The following HNRNPR variants were observed in gnomAD, a reference collection of about 807,000 sequenced individuals.
HNRNPR encodes heterogeneous nuclear ribonucleoprotein R.
Under a neutral mutation model 70.3 loss-of-function variants are expected in HNRNPR, and 4 were observed. The observed-to-expected ratio is 0.06, with a 90% CI of 0.03 to 0.13. The LOEUF (loss-of-function observed/expected upper bound fraction) is 0.13, where lower values mean the gene tolerates loss of function less well. Among genes scored for constraint, HNRNPR ranks in the 10% least tolerant of loss-of-function variants. HNRNPR has a pLI of 1.00. For synonymous variants in HNRNPR, 241 were observed against 267.6 expected (o/e 0.90, Z 0.97); for missense variants, 423 against 788.5 (o/e 0.54, Z 5.55).
chr1:23,342,325 G>A (rs1398636364), intron 1 of HNRNPR, among the ~76,000 whole-genome samples: 1 of 152,184 alleles, frequency 6.6e-6, no homozygotes, highest in Non-Finnish European at 1.5e-5. Flanking sequence ...ACCAAGAGGG[G>A]AAGGAGGTAA....
Position 23,308,514 on chromosome 1 carries a change from T to G in HNRNPR, c.*1940A>C, listed in dbSNP as rs924015475. ...TTTAAAAGCAGCATTTAAAGAATGTTTGGTGTCTTTACTTGCATACATGGG... is the reference window on the plus strand; with the variant it reads ...TTTAAAAGCAGCATTTAAAGAATGTGTGGTGTCTTTACTTGCATACATGGG... On this transcript the variant is annotated 3_prime_UTR_variant, in exon 11 of 11. Transcript: ENST00000302271. The G allele has an allele frequency of 2.6e-5, 4 of 152,068 alleles. 1 individual carries two copies. The South Asian group carries it at 8.3e-4, about 31-fold the overall frequency. The allele number at this position is 152,068 out of a possible 1,614,324, so 9.4% of individuals were successfully genotyped here.
chr1:23,339,639 T>C (rs1646637163), intron 2 of HNRNPR, among the ~76,000 whole-genome samples: 1 of 152,164 alleles, frequency 6.6e-6, no homozygotes, highest in Non-Finnish European at 1.5e-5. Context: ...TTATTCCATA[T>C]AGTAAATTTT....
At chr1:23,335,346 G>C (rs1646426831) in intron 4 of HNRNPR, among the ~76,000 whole-genome samples, 2 of 152,218 alleles carry the variant, frequency 1.3e-5, no homozygotes, top group Non-Finnish European at 2.9e-5. Context: ...CTGAAACAGA[G>C]CCATAAATGT....
At position 23,308,750 on chromosome 1, in the gene HNRNPR, TGAAAA is replaced by T. The variant is rs1645243722; in HGVS notation, c.*1699_*1703del. The T allele has an allele frequency of 6.6e-6, 1 of 151,932 alleles. No homozygotes were observed. Among genetic ancestry groups the T allele is most frequent in the East Asian group, 1.9e-4 (1 of 5,198 alleles). 9.4% of individuals were successfully genotyped at this position (151,932 alleles called of 1,614,324 possible). ...AGTAAATAGTAATCTTAAATTGAAA[TGAAAA>T]GAAGCCATGAAACCCAATATGATCT... is the stretch of plus-strand genomic sequence containing the variant. On this transcript the variant is annotated 3_prime_UTR_variant, in exon 11 of 11. Coordinates refer to ENST00000302271, the MANE Select transcript of HNRNPR (RefSeq NM_005826.5).
chr1:23,336,718 C>T (rs904142802), intron 4 of HNRNPR, among the ~76,000 whole-genome samples: 1 of 142,552 alleles, frequency 7.0e-6, no homozygotes, highest in Non-Finnish European at 1.5e-5. Context: ...TGAGATGGCG[C>T]TACTGCACTC....
At chr1:23,315,870 C>A (rs571801196) in intron 8 of HNRNPR, among the ~76,000 whole-genome samples, 9 of 152,206 alleles carry the variant, frequency 5.9e-5, no homozygotes, top group South Asian at 4.2e-4. Flanking sequence ...TAAGGTCCAG[C>A]CTCTATGTTA....
At chr1:23,324,290 C>T (rs1310413424) in intron 5 of HNRNPR, among the ~76,000 whole-genome samples, 2 of 150,928 alleles carry the variant, frequency 1.3e-5, no homozygotes, top group Non-Finnish European at 3.0e-5. Flanking sequence ...CAACCTCGGC[C>T]GGGCGCGGCA....
At chr1:23,326,717 G>A (rs983393759) in intron 5 of HNRNPR, among the ~76,000 whole-genome samples, 3 of 152,148 alleles carry the variant, frequency 2.0e-5, no homozygotes, top group African/African-American at 7.2e-5. Context: ...CCTGAGAGGC[G>A]GAGGTTGCAG....
In HNRNPR at chr1:23,310,427, C is replaced by A; in HGVS notation, c.*27G>T. ...AGATCTAGAGCCAATCGTATCTTGC[C>A]AGTATCATTTTCAAGCCCTTACTTG... is the stretch of plus-strand genomic sequence containing the variant. On this transcript the variant is annotated 3_prime_UTR_variant, in exon 11 of 11. Coordinates refer to ENST00000302271, the MANE Select transcript of HNRNPR (RefSeq NM_005826.5). This position sits in a 1 kb window ranked among gnomAD's most constrained non-coding sequence, Gnocchi z 6.0. 1 of 1,539,578 alleles carries A rather than the reference C, an allele frequency of 6.5e-7. No individual in the cohort carries two copies. The highest frequency in any genetic ancestry group is 1.3e-5 in the South Asian group (1 of 78,356).
chr1:23,338,701 T>A, intron 2 of HNRNPR, 93 bp from the exon 3 acceptor site: 1 of 589,462 alleles, frequency 1.7e-6, no homozygotes, highest in Non-Finnish European at 3.0e-6. Context: ...ACATTCAATA[T>A]GATCACTAAC....
intron 5 of HNRNPR, among the ~76,000 whole-genome samples, chr1:23,332,896 A>T (rs1175948751): frequency 2.6e-5 from 4 of 151,840 alleles, no homozygotes; most frequent in African/African-American, 9.7e-5. Context: ...AAAAACCAAA[A>T]AAAGCAGCCG....
intron 6 of HNRNPR, among the ~76,000 whole-genome samples, chr1:23,321,880 AT>A (rs1418854340): frequency 6.6e-6 from 1 of 152,178 alleles, no homozygotes; most frequent in Admixed American, 6.5e-5. Context: ...ACTCTTCCAT[AT>A]AAAAAGGACT....
chr1:23,315,306 C>A (rs9725739), intron 8 of HNRNPR, among the ~76,000 whole-genome samples: 5,332 of 121,652 alleles, frequency 0.044, 454 homozygotes, highest in African/African-American at 0.18. Context: ...AAAAAAAAAA[C>A]AAAAACCCAA....
At position 23,309,739 on chromosome 1, in the gene HNRNPR, A is replaced by G. The variant is rs1373487444; in HGVS notation, c.*715T>C. ...GAAAACAATATTCCTTGCAAGGATT[A>G]CGAATAAAATAATGTTTTAGGACAC... On this transcript the variant is annotated 3_prime_UTR_variant, in exon 11 of 11. Coordinates refer to ENST00000302271, the MANE Select transcript of HNRNPR (RefSeq NM_005826.5). The G allele has an allele frequency of 6.6e-6, 1 of 152,642 alleles. No individual in the cohort carries two copies. Among genetic ancestry groups the G allele is most frequent in the Non-Finnish European group, 1.5e-5 (1 of 68,016 alleles). The allele number at this position is 152,642 out of a possible 1,614,324, so 9.5% of individuals were successfully genotyped here.
Position 23,310,403 on chromosome 1 carries a change from G to T in HNRNPR, c.*51C>A, listed in dbSNP as rs773143424. On this transcript the variant is annotated 3_prime_UTR_variant, in exon 11 of 11. Coordinates refer to ENST00000302271, the MANE Select transcript of HNRNPR (RefSeq NM_005826.5). This position sits in a 1 kb window ranked among gnomAD's most constrained non-coding sequence, Gnocchi z 6.0. ...CCAATTTTTTTTTTTGAAGAATGTA[G>T]ATCTAGAGCCAATCGTATCTTGCCA... 12 of 1,499,276 alleles carry T rather than the reference G, an allele frequency of 8.0e-6. No individual in the cohort carries two copies. The highest frequency in any genetic ancestry group is 1.4e-5 in the South Asian group (1 of 72,878). The allele number at this position is 1,499,276 out of a possible 1,614,324, so 92.9% of individuals were successfully genotyped here.
At position 23,318,375 on chromosome 1, in the gene HNRNPR, T is replaced by G. The variant is rs1239261103; in HGVS notation, c.1017+108A>C. On this transcript the variant is annotated intron_variant, in intron 8 of 10. Transcript: ENST00000302271. This position sits in a 1 kb window ranked among gnomAD's most constrained non-coding sequence, Gnocchi z 4.2. ...GCCGCTCCTTGCCAAACAGTTGAAG[T>G]CTAAAGCTACAATTTCTATTTATCA... 3 of 935,242 alleles carry G rather than the reference T, an allele frequency of 3.2e-6. No individual in the cohort carries two copies. Among genetic ancestry groups the G allele is most frequent in the Non-Finnish European group, 4.9e-6 (3 of 611,412 alleles). 57.9% of individuals were successfully genotyped at this position (935,242 alleles called of 1,614,324 possible). A position where few individuals can be genotyped will look rare whatever the true frequency, so the allele number is the denominator to read the frequency against.
At chr1:23,321,495 CA>C (rs1426775609) in intron 7 of HNRNPR, 32 bp downstream of exon 7, 1 of 1,597,628 alleles carries the variant, frequency 6.3e-7, no homozygotes, top group Non-Finnish European at 8.6e-7. Context: ...ACATATTTCG[CA>C]AAAGTAATTT....
chr1:23,335,623 C>G (rs1172924055), intron 4 of HNRNPR, among the ~76,000 whole-genome samples: 1 of 152,082 alleles, frequency 6.6e-6, no homozygotes, highest in Admixed American at 6.6e-5. Flanking sequence ...ATCTAGGTTG[C>G]ATGCTCCTTA....
intron 2 of HNRNPR, 122 bp downstream of exon 2, chr1:23,340,730 A>G (rs1646677909): frequency 1.3e-6 from 1 of 787,914 alleles, no homozygotes; most frequent in Non-Finnish European, 2.0e-6. Flanking sequence ...AGGGAAAGTA[A>G]CAAACATTCA....
Sources: allele counts gnomAD v4.1 joint callset (sites outside exome capture counted in the v4.1 genomes callset), GRCh38; gene constraint gnomAD v4.1.1; non-coding constraint Gnocchi (gnomAD v3.1); transcripts MANE v1.5; gene names NCBI Gene and HGNC (gene_info 2026-07-23, HGNC 2026-07-21).